The following ADAMTS10 variants were observed in gnomAD, a reference collection of about 807,000 sequenced individuals.
ADAMTS10 encodes the protein A disintegrin and metalloproteinase with thrombospondin motifs 10.
Under a neutral mutation model 135.9 loss-of-function variants are expected in ADAMTS10, and 48 were observed. The observed-to-expected ratio is 0.35, with a 90% CI of 0.28 to 0.45. The LOEUF is 0.45. Ranked by LOEUF, ADAMTS10 falls within the 20% of genes least tolerant of loss-of-function variation. The probability of loss-of-function intolerance (pLI) is 1.00; values close to 1 mark genes in which losing one functional copy is unlikely to be tolerated. For missense variants in ADAMTS10, 1,131 were observed against 1,565.2 expected (o/e 0.72, Z 4.68); for synonymous variants, 621 against 647.5 (o/e 0.96, Z 0.62).
chr19:8,600,123 T>C (rs1468537783), intron 6 of ADAMTS10, among the ~76,000 whole-genome samples: 1 of 152,200 alleles, frequency 6.6e-6, no homozygotes, highest in African/African-American at 2.4e-5. Flanking sequence ...TGTGTGTATT[T>C]TTACACACAG....
chr19:8,581,032 C>A, intron 25 of ADAMTS10, 30 bp from the exon 26 acceptor site: 1 of 1,545,810 alleles, frequency 6.5e-7, no homozygotes, highest in South Asian at 1.2e-5. Context: ...AAGGAAAAAT[C>A]AGGTCTCAGC....
At chr19:8,606,636 C>T (rs1048440539) in intron 2 of ADAMTS10, among the ~76,000 whole-genome samples, 2 of 152,256 alleles carry the variant, frequency 1.3e-5, no homozygotes, top group Admixed American at 6.5e-5. Flanking sequence ...CTCCTGACCT[C>T]GCATCACACT....
intron 25 of ADAMTS10, chr19:8,581,459 G>A (rs1555735851): frequency 1.3e-5 from 2 of 153,510 alleles, no homozygotes; most frequent in African/African-American, 4.8e-5. Context: ...GGAGACCAAG[G>A]CAGGAGGACT....
chr19:8,605,533 C>T lies in ADAMTS10; in HGVS notation c.88+90G>A, dbSNP rs2146103637. 6.6e-7 allele frequency: 1 copy of T among 1,522,518 alleles called. No individual in the cohort carries two copies. Among genetic ancestry groups the T allele is most frequent in the Non-Finnish European group, 8.9e-7 (1 of 1,125,286 alleles). The allele number at this position is 1,522,518 out of a possible 1,614,324, so 94.3% of individuals were successfully genotyped here. A position where few individuals can be genotyped will look rare whatever the true frequency, so the allele number is the denominator to read the frequency against. On this transcript the variant is annotated intron_variant, in intron 3 of 25. Transcript: ENST00000597188. This position sits in a 1 kb window ranked among gnomAD's most constrained non-coding sequence, Gnocchi z 7.7. ...GGGCCTTCCCCCATTGACCCCCATCCCAGCCCCCTGATGCCTCTTTCTGTT... is the reference window on the plus strand; with the variant it reads ...GGGCCTTCCCCCATTGACCCCCATCTCAGCCCCCTGATGCCTCTTTCTGTT...
At chr19:8,588,797 C>T (rs1383396279) in intron 18 of ADAMTS10, among the ~76,000 whole-genome samples, 10 of 151,674 alleles carry the variant, frequency 6.6e-5, no homozygotes, top group African/African-American at 2.4e-4. Context: ...TCCTGAGACA[C>T]TCTTTTTTTT....
chr19:8,606,762 C>T (rs551710452), intron 2 of ADAMTS10, among the ~76,000 whole-genome samples: 14 of 152,192 alleles, frequency 9.2e-5, no homozygotes, highest in South Asian at 4.2e-4. Context: ...TTATAGCCTC[C>T]GGTGGAGGGT....
At chr19:8,590,430 T>A (rs1279042257) in intron 15 of ADAMTS10, among the ~76,000 whole-genome samples, 2 of 151,352 alleles carry the variant, frequency 1.3e-5, no homozygotes, top group African/African-American at 4.9e-5. Flanking sequence ...CATGCCACTA[T>A]GCCTGGCTAA....
rs782194765 is a variant in ADAMTS10, at chr19:8,596,162, T to C, written c.1248A>G (p.Pro416=). The C allele has an allele frequency of 6.8e-6, 11 of 1,614,186 alleles. No individual in the cohort carries two copies. The highest frequency in any genetic ancestry group is 1.1e-5 in the South Asian group (1 of 91,082). ...GNSCGARGQD[P]AKLMAAHITM... ...TAATGTGGGCAGCCATGAGCTTGGCTGGGTCCTGACCACGGGCCCCACAGC... is the reference window on the plus strand; with the variant it reads ...TAATGTGGGCAGCCATGAGCTTGGCCGGGTCCTGACCACGGGCCCCACAGC... The change falls in exon 11 of 26, where the codon CCA becomes CCG. Residue 416 remains proline, a synonymous_variant. Coordinates refer to ENST00000597188, the MANE Select transcript of ADAMTS10 (RefSeq NM_030957.4). This position sits in a 1 kb window ranked among gnomAD's most constrained non-coding sequence, Gnocchi z 7.2.
intron 13 of ADAMTS10, 52 bp downstream of exon 13, chr19:8,592,711 G>A: frequency 3.2e-6 from 5 of 1,545,142 alleles, no homozygotes; most frequent in South Asian, 1.2e-5. Flanking sequence ...TGGCCAACGC[G>A]GGAGGTGGCT....
intron 25 of ADAMTS10, 75 bp downstream of exon 25, chr19:8,584,820 C>T: frequency 5.2e-6 from 8 of 1,532,568 alleles, no homozygotes; most frequent in African/African-American, 1.4e-5. Context: ...AGGATGAAGT[C>T]AGGACCCCCA....
At position 8,605,946 on chromosome 19, in the gene ADAMTS10, T is replaced by G; in HGVS notation, c.-99-137A>C. 1.3e-6 allele frequency: 1 copy of G among 799,256 alleles called. No individual in the cohort carries two copies. The highest frequency in any genetic ancestry group is 1.9e-6 in the Non-Finnish European group (1 of 522,360). 49.5% of individuals were successfully genotyped at this position (799,256 alleles called of 1,614,324 possible). A position where few individuals can be genotyped will look rare whatever the true frequency, so the allele number is the denominator to read the frequency against. On this transcript the variant is annotated intron_variant, in intron 2 of 25. Transcript: ENST00000597188. This position sits in a 1 kb window ranked among gnomAD's most constrained non-coding sequence, Gnocchi z 7.7. Reference sequence around the variant, plus strand: ...ATTTTCTCACTCAGTCACTCCCCTCTCCCCACCTCCCCTTCCAATCCTTCC... The same window carrying G: ...ATTTTCTCACTCAGTCACTCCCCTCGCCCCACCTCCCCTTCCAATCCTTCC...
chr19:8,593,855 C>T (rs2042573041), intron 12 of ADAMTS10, among the ~76,000 whole-genome samples: 1 of 152,142 alleles, frequency 6.6e-6, no homozygotes. Context: ...CGCTTTGAAC[C>T]CAATTCTTGT....
rs782275428 is a variant in ADAMTS10 at position 8,589,273 on chromosome 19, C to T, written c.2127G>A (p.Glu709=). The part of the protein sequence containing the change: ...GGDGSACETI[E]GVFSPASPGA... The stretch of plus-strand genomic sequence containing the variant: ...CAGGTGAGGCTGGGCTGAAGACGCC[C>T]TCGATGGTCTCGCAGGCACTGCCGT... The change falls in exon 18 of 26, where the codon GAG becomes GAA. Residue 709 remains glutamate, a synonymous_variant. Coordinates refer to ENST00000597188, the MANE Select transcript of ADAMTS10 (RefSeq NM_030957.4). The T allele has an allele frequency of 1.9e-6, 3 of 1,612,520 alleles. No homozygotes were observed. The East Asian group carries it at 6.7e-5, about 36-fold the overall frequency.
At chr19:8,595,698 T>TCCCAACCCC in intron 12 of ADAMTS10, 64 bp downstream of exon 12, 4 of 1,291,948 alleles carry the variant, frequency 3.1e-6, no homozygotes, top group Non-Finnish European at 2.2e-6. Flanking sequence ...CTGGTGGAGT[T>TCCCAACCCC]CCCTCCCCCA....
Position 8,596,533 on chromosome 19 carries a change from C to T in ADAMTS10, c.1084+9G>A. The T allele has an allele frequency of 1.2e-6, 2 of 1,613,988 alleles. No homozygotes were observed. The highest frequency in any genetic ancestry group is 8.5e-7 in the Non-Finnish European group (1 of 1,179,980). ...TCATAGGCGCCTGAAACCTACGGGGCTCGGGTACCTAGTGTGCCGCAGGGT... is the reference window on the plus strand; with the variant it reads ...TCATAGGCGCCTGAAACCTACGGGGTTCGGGTACCTAGTGTGCCGCAGGGT... On this transcript the variant is annotated intron_variant, in intron 9 of 25. Transcript: ENST00000597188. This position sits in a 1 kb window ranked among gnomAD's most constrained non-coding sequence, Gnocchi z 7.2.
In ADAMTS10 at chr19:8,589,654, AGTGAGGCCAAGAGGGAC is replaced by A. The variant is rs1555738392; in HGVS notation, c.1901-86_1901-70del. 181 of 1,602,346 alleles carry A rather than the reference AGTGAGGCCAAGAGGGAC, an allele frequency of 1.1e-4. 1 individual carries two copies. In the Admixed American group the frequency reaches 3.0e-3, roughly 27 times the overall value. On this transcript the variant is annotated intron_variant, in intron 16 of 25. Transcript: ENST00000597188. Reference sequence around the variant, plus strand: ...GAACTCTTTGCTTGCTCCCTGGGGGAGTGAGGCCAAGAGGGACAGACCCCAGACCCAAGAGGAAGGGC... The same window carrying A: ...GAACTCTTTGCTTGCTCCCTGGGGGAAGACCCCAGACCCAAGAGGAAGGGC...
intron 4 of ADAMTS10, among the ~76,000 whole-genome samples, chr19:8,604,212 G>A (rs2042696143): frequency 6.6e-6 from 1 of 150,522 alleles, no homozygotes; most frequent in African/African-American, 2.4e-5. Flanking sequence ...CAATATGTTT[G>A]GCTAATTTTT....
At chr19:8,600,491 CTTTCTTTTCTTTTT>C (rs1568404110) in intron 6 of ADAMTS10, among the ~76,000 whole-genome samples, 4 of 140,428 alleles carry the variant, frequency 2.8e-5, no homozygotes, top group South Asian at 2.3e-4. Flanking sequence ...CTTTTCTTTT[CTTTCTTTTCTTTTT>C]TTTTTTTTTT....
chr19:8,581,057 G>GGCA, intron 25 of ADAMTS10, 55 bp from the exon 26 acceptor site: 3 of 1,310,108 alleles, frequency 2.3e-6, no homozygotes, highest in South Asian at 1.2e-5. Flanking sequence ...CTCCCCGCAG[G>GGCA]GCTGCACACA....
Sources: allele counts gnomAD v4.1 joint callset (sites outside exome capture counted in the v4.1 genomes callset), GRCh38; gene constraint gnomAD v4.1.1; non-coding constraint Gnocchi (gnomAD v3.1); transcripts MANE v1.5; gene names NCBI Gene and HGNC (gene_info 2026-07-23, HGNC 2026-07-21).